TLE4: variants seen among roughly 807,000 people sequenced by gnomAD.
TLE4 encodes transducin-like enhancer protein 4.
Under a neutral mutation model 92.8 loss-of-function variants are expected in TLE4, and 8 were observed. That is an observed-to-expected ratio of 0.09 (90% CI 0.05 to 0.16). The LOEUF is 0.16. Among genes scored for constraint, TLE4 ranks in the 10% least tolerant of loss-of-function variants. The pLI is 1.00. For synonymous variants in TLE4, 371 were observed against 374.1 expected, an observed-to-expected ratio of 0.99 and a Z score of 0.10; for missense variants, 675 against 997.6, an observed-to-expected ratio of 0.68 and a Z score of 4.36.
chr9:79,719,925 A>C, intron 15 of TLE4, 121 bp from the exon 16 acceptor site: 1 of 1,288,808 alleles, frequency 7.8e-7, no homozygotes. Flanking sequence ...TATCATTGTC[A>C]TAAGTATAAA....
chr9:79,606,373 G>GTT (rs60527671), intron 4 of TLE4, among the ~76,000 whole-genome samples: 40 of 113,682 alleles, frequency 3.5e-4, no homozygotes, highest in Non-Finnish European at 5.8e-4. Context: ...GTGTGTGTGT[G>GTT]TTTTTTTTTT....
At chr9:79,683,886 C>G (rs1047984119) in intron 8 of TLE4, among the ~76,000 whole-genome samples, 1 of 152,094 alleles carries the variant, frequency 6.6e-6, no homozygotes, top group African/African-American at 2.4e-5. Flanking sequence ...AATGATGAAA[C>G]GTGCAGAAAT....
At chr9:79,719,428 G>C (rs1167963055) in intron 15 of TLE4, among the ~76,000 whole-genome samples, 1 of 151,926 alleles carries the variant, frequency 6.6e-6, no homozygotes, top group Non-Finnish European at 1.5e-5. Context: ...ATAGCATGAG[G>C]CTACATCAGT....
In TLE4 at chr9:79,649,502, A is replaced by G. The variant is rs141692767; in HGVS notation, c.391-3091A>G. The G allele has an allele frequency of 3.9e-5, 7 of 179,838 alleles. No homozygotes were observed. The East Asian group carries it at 1.2e-3, about 31-fold the overall frequency. The allele number at this position is 179,838 out of a possible 1,614,324, so 11.1% of individuals were successfully genotyped here. Reference sequence around the variant, plus strand: ...TTAGATGGGCAGTTCATCTTAAACAAAATGTTGGACAAAATCAGTGATGAA... The same window carrying G: ...TTAGATGGGCAGTTCATCTTAAACAGAATGTTGGACAAAATCAGTGATGAA... On this transcript the variant is annotated intron_variant, in intron 6 of 19. Transcript: ENST00000376552.
At chr9:79,674,554 G>C (rs1471143887) in intron 8 of TLE4, among the ~76,000 whole-genome samples, 1 of 152,188 alleles carries the variant, frequency 6.6e-6, no homozygotes, top group African/African-American at 2.4e-5. Flanking sequence ...GATTATAGGA[G>C]CTTCCTCCTT....
intron 8 of TLE4, among the ~76,000 whole-genome samples, chr9:79,683,776 T>G (rs1277404834): frequency 6.6e-6 from 1 of 152,224 alleles, no homozygotes; most frequent in Middle Eastern, 3.2e-3. Context: ...CCTCTAGCTT[T>G]GTGACCTTAA....
At chr9:79,621,900 G>T (rs574370108) in intron 5 of TLE4, among the ~76,000 whole-genome samples, 1 of 152,102 alleles carries the variant, frequency 6.6e-6, no homozygotes, top group Admixed American at 6.6e-5. Flanking sequence ...GTCCAAGTTC[G>T]GGCCTAAGTA....
chr9:79,644,479 C>A (rs2057759971), intron 6 of TLE4, among the ~76,000 whole-genome samples: 4 of 152,140 alleles, frequency 2.6e-5, no homozygotes, highest in Admixed American at 2.0e-4. Flanking sequence ...ACTAACTGTT[C>A]TCGCTTTTTA....
At position 79,619,172 on chromosome 9, in the gene TLE4, A is replaced by G. The variant is rs546925680; in HGVS notation, c.315+6454A>G. Among the ~76,000 whole-genome samples the G allele has an allele frequency of 3.3e-5, 5 of 152,354 alleles. No homozygotes were observed. The South Asian group carries it at 1.0e-3, about 32-fold the overall frequency. On this transcript the variant is annotated intron_variant, in intron 5 of 19. Coordinates refer to ENST00000376552, the MANE Select transcript of TLE4 (RefSeq NM_007005.6). The stretch of plus-strand genomic sequence containing the variant: ...GATAATATGAGTTTATTTGAATTAT[A>G]AATCCAACAGGCTAGAAAAGCTAGT...
intron 8 of TLE4, among the ~76,000 whole-genome samples, chr9:79,702,248 C>T (rs1181798221): frequency 2.0e-5 from 3 of 152,042 alleles, no homozygotes; most frequent in Non-Finnish European, 4.4e-5. Flanking sequence ...GAATTTTTTT[C>T]CCCCTGTGAA....
intron 8 of TLE4, among the ~76,000 whole-genome samples, 153 bp downstream of exon 8, chr9:79,654,228 TG>T (rs1195005310): frequency 6.7e-6 from 1 of 148,888 alleles, no homozygotes; most frequent in African/African-American, 2.6e-5. Flanking sequence ...GGTGTGTGGT[TG>T]ATTTTTTTTT....
chr9:79,720,371 G>T, intron 16 of TLE4, 78 bp downstream of exon 16: 8 of 1,169,228 alleles, frequency 6.8e-6, no homozygotes, highest in South Asian at 4.5e-5. Context: ...TGTGTATATA[G>T]GTATGGGTGT....
At chr9:79,682,314 TA>T (rs1323080490) in intron 8 of TLE4, among the ~76,000 whole-genome samples, 1 of 152,166 alleles carries the variant, frequency 6.6e-6, no homozygotes, top group African/African-American at 2.4e-5. Context: ...TATAGACTGT[TA>T]TTCCAGCCCC....
At chr9:79,576,597 G>C (rs1165003138) in intron 4 of TLE4, 1 of 152,582 alleles carries the variant, frequency 6.6e-6, no homozygotes, top group Non-Finnish European at 1.5e-5. Flanking sequence ...AATGGATAGA[G>C]GGTGAGCTGG....
intron 6 of TLE4, among the ~76,000 whole-genome samples, chr9:79,638,137 G>T (rs191969599): frequency 6.6e-6 from 1 of 152,248 alleles, no homozygotes. Flanking sequence ...TACTCTAGTT[G>T]CAGGCAGCAG....
chr9:79,583,064 C>T (rs2040121875), intron 4 of TLE4, among the ~76,000 whole-genome samples: 1 of 151,972 alleles, frequency 6.6e-6, no homozygotes, highest in African/African-American at 2.4e-5. Context: ...TTGTCTTTGC[C>T]TTAGTAATAG....
chr9:79,662,968 C>T (rs1230041953), intron 8 of TLE4, among the ~76,000 whole-genome samples: 2 of 152,096 alleles, frequency 1.3e-5, no homozygotes, highest in East Asian at 3.9e-4. Context: ...CCTCACCCAC[C>T]CCTTCCCTTT....
intron 8 of TLE4, chr9:79,671,234 A>G (rs997977342): frequency 2.2e-6 from 1 of 456,440 alleles, no homozygotes; most frequent in Non-Finnish European, 4.4e-6. Context: ...CTCATAATGG[A>G]TGAAATTGGA....
intron 6 of TLE4, among the ~76,000 whole-genome samples, chr9:79,647,763 G>A (rs936545807): frequency 7.2e-5 from 11 of 151,936 alleles, no homozygotes; most frequent in Admixed American, 1.3e-4. Context: ...ACACACACAC[G>A]TAGCACATAT....
Sources: gnomAD v4.1 joint callset for allele counts (sites outside exome capture counted in the v4.1 genomes callset) on GRCh38, gnomAD v4.1.1 for gene constraint, MANE v1.5 for transcripts, NCBI Gene and HGNC (gene_info 2026-07-23, HGNC 2026-07-21) for gene names.